NME7: variants seen among roughly 807,000 people sequenced by gnomAD.
NME7 encodes the protein nucleoside diphosphate kinase 7.
NME7 carries 41 observed loss-of-function variants against 49.1 expected under a neutral mutation model. The ratio of observed to expected loss-of-function variants is 0.83; its 90% confidence interval spans 0.65 to 1.08. NME7 has a LOEUF of 1.08. Among genes scored for constraint, NME7 ranks in the 50% least tolerant of loss-of-function variants. The pLI, the probability that NME7 is intolerant of heterozygous loss-of-function variation, is 0.00. For synonymous variants in NME7, 139 were observed against 150.6 expected (o/e 0.92, Z 0.56); for missense variants, 423 against 463.4 (o/e 0.91, Z 0.80).
chr1:169,219,244 C>A (rs1272233975), intron 10 of NME7, among the ~76,000 whole-genome samples: 1 of 152,088 alleles, frequency 6.6e-6, no homozygotes, highest in African/African-American at 2.4e-5. Context: ...TCTGCAAAGT[C>A]AACCAACCAC....
intron 10 of NME7, among the ~76,000 whole-genome samples, chr1:169,218,659 ATTTTTTTT>A (rs34342694): frequency 1.0e-4 from 12 of 118,206 alleles, no homozygotes; most frequent in Non-Finnish European, 8.5e-5. Context: ...CCAATTTTGA[ATTTTTTTT>A]TTTTTTTTTT....
intron 4 of NME7, among the ~76,000 whole-genome samples, chr1:169,303,708 T>C (rs1188709094): frequency 2.0e-5 from 3 of 152,146 alleles, no homozygotes; most frequent in Non-Finnish European, 4.4e-5. Context: ...CACCTCGGCC[T>C]CTCAAAGTGC....
intron 3 of NME7, among the ~76,000 whole-genome samples, chr1:169,319,574 A>G (rs1558037309): frequency 6.6e-6 from 1 of 152,138 alleles, no homozygotes; most frequent in Admixed American, 6.6e-5. Flanking sequence ...CCATTTCAGT[A>G]CATCTCCAAG....
At chr1:169,325,310 C>T (rs199498821) in intron 1 of NME7, among the ~76,000 whole-genome samples, 2 of 151,896 alleles carry the variant, frequency 1.3e-5, no homozygotes, top group East Asian at 3.9e-4. Flanking sequence ...CTTTAGTATC[C>T]CTGCTCCTCT....
At chr1:169,289,894 T>C (rs1308555989) in intron 6 of NME7, among the ~76,000 whole-genome samples, 2 of 152,074 alleles carry the variant, frequency 1.3e-5, no homozygotes, top group Non-Finnish European at 2.9e-5. Context: ...AAAAATAATA[T>C]CCAGGCTTCT....
chr1:169,185,882 T>C (rs1324263762), intron 10 of NME7, among the ~76,000 whole-genome samples: 3 of 152,148 alleles, frequency 2.0e-5, no homozygotes, highest in Admixed American at 6.5e-5. Flanking sequence ...GAATTAGAGA[T>C]TGTGTCTTAC....
chr1:169,139,864 G>A (rs578053694), intron 11 of NME7, among the ~76,000 whole-genome samples: 19 of 152,300 alleles, frequency 1.2e-4, no homozygotes, highest in African/African-American at 3.8e-4. Context: ...GTAAACAGAC[G>A]TGAGAACCAA....
chr1:169,228,451 G>A (rs1034973116), intron 10 of NME7, among the ~76,000 whole-genome samples: 6 of 152,042 alleles, frequency 3.9e-5, no homozygotes, highest in African/African-American at 1.4e-4. Flanking sequence ...GCCGAGGCGG[G>A]TGGATCATGA....
chr1:169,223,900 A>G (rs1234220844), intron 10 of NME7, among the ~76,000 whole-genome samples: 1 of 152,178 alleles, frequency 6.6e-6, no homozygotes, highest in East Asian at 1.9e-4. Flanking sequence ...TTCATATCAT[A>G]TCTCCAATTT....
At chr1:169,303,085 T>G in intron 5 of NME7, 60 bp downstream of exon 5, 2 of 1,131,310 alleles carry the variant, frequency 1.8e-6, no homozygotes, top group South Asian at 2.7e-5. Flanking sequence ...CAAATGTAAC[T>G]CCATAGTTTT....
chr1:169,296,622 T>C (rs898222223), intron 6 of NME7, among the ~76,000 whole-genome samples: 8 of 152,212 alleles, frequency 5.3e-5, no homozygotes, highest in Non-Finnish European at 1.0e-4. Flanking sequence ...ATCAGTCTAA[T>C]TGGAAAACTA....
intron 9 of NME7, among the ~76,000 whole-genome samples, chr1:169,231,273 G>A (rs1647606954): frequency 6.6e-6 from 1 of 152,024 alleles, no homozygotes; most frequent in Non-Finnish European, 1.5e-5. Context: ...TAAAATATAC[G>A]AAACAATAGT....
chr1:169,272,433 A>G, intron 7 of NME7, among the ~76,000 whole-genome samples: 1 of 120,832 alleles, frequency 8.3e-6, no homozygotes, highest in African/African-American at 2.7e-5. Flanking sequence ...ATTCTTTCTG[A>G]TGCTCTCCCT....
chr1:169,234,084 CAAAG>C (rs1647756034), intron 9 of NME7, among the ~76,000 whole-genome samples: 1 of 152,048 alleles, frequency 6.6e-6, no homozygotes, highest in African/African-American at 2.4e-5. Flanking sequence ...ACATGTTAAA[CAAAG>C]AACTTCATCA....
At chr1:169,283,904 T>G (rs1330709368) in intron 7 of NME7, 1 of 152,194 alleles carries the variant, frequency 6.6e-6, no homozygotes, top group Non-Finnish European at 1.5e-5. Flanking sequence ...TCAACCTTGG[T>G]GAATCTAATG....
At chr1:169,217,769 A>G (rs2101801889) in intron 10 of NME7, among the ~76,000 whole-genome samples, 1 of 152,328 alleles carries the variant, frequency 6.6e-6, no homozygotes, top group South Asian at 2.1e-4. Flanking sequence ...ACTGTTACGT[A>G]CATTTGAATC....
At chr1:169,142,423 C>T (rs17345107) in intron 11 of NME7, among the ~76,000 whole-genome samples, 50,279 of 151,950 alleles carry the variant, frequency 0.33, 8,866 homozygotes, top group Non-Finnish European at 0.4. Flanking sequence ...TTTAGTAAAA[C>T]GATGCTTGAT....
chr1:169,248,683 ATTC>A (rs1648424435), intron 7 of NME7, among the ~76,000 whole-genome samples: 1 of 152,128 alleles, frequency 6.6e-6, no homozygotes, highest in African/African-American at 2.4e-5. Context: ...ATCCAGTTTC[ATTC>A]TTCTACATGT....
intron 10 of NME7, among the ~76,000 whole-genome samples, chr1:169,194,676 C>G (rs1660324059): frequency 6.6e-6 from 1 of 152,128 alleles, no homozygotes; most frequent in Non-Finnish European, 1.5e-5. Flanking sequence ...AAATAAAAGT[C>G]AATTAAGATC....
Sources: gnomAD v4.1 joint callset for allele counts (sites outside exome capture counted in the v4.1 genomes callset) on GRCh38, gnomAD v4.1.1 for gene constraint, MANE v1.5 for transcripts, NCBI Gene and HGNC (gene_info 2026-07-23, HGNC 2026-07-21) for gene names.